GRIN2B: variants seen among roughly 807,000 people sequenced by gnomAD.
GRIN2B encodes glutamate ionotropic receptor NMDA type subunit 2B.
Under a neutral mutation model 114.5 loss-of-function variants are expected in GRIN2B, and 5 were observed. The ratio of observed to expected loss-of-function variants is 0.04; its 90% CI spans 0.02 to 0.09. GRIN2B has a LOEUF of 0.09. Ranked by LOEUF, GRIN2B falls within the 10% of genes least tolerant of loss-of-function variation. The pLI, the probability that GRIN2B is intolerant of heterozygous loss-of-function variation, is 1.00. For missense variants in GRIN2B, 1,108 were observed against 1,943.5 expected, an observed-to-expected ratio of 0.57 and a Z score of 8.08; for synonymous variants, 787 against 745.1, an observed-to-expected ratio of 1.06 and a Z score of -0.92.
intron 10 of GRIN2B, among the ~76,000 whole-genome samples, chr12:13,582,247 T>C (rs962998045): frequency 4.6e-5 from 7 of 152,184 alleles, no homozygotes; most frequent in Non-Finnish European, 2.9e-5. Context: ...GAGGAATAAA[T>C]AATTATTGTT....
intron 2 of GRIN2B, among the ~76,000 whole-genome samples, chr12:13,952,569 T>C (rs1205535271): frequency 6.6e-6 from 1 of 152,180 alleles, no homozygotes; most frequent in Non-Finnish European, 1.5e-5. Context: ...TCCCTATCTG[T>C]ACTTCCCCTC....
chr12:13,859,131 G>T (rs1388556381), intron 3 of GRIN2B, among the ~76,000 whole-genome samples: 2 of 152,182 alleles, frequency 1.3e-5, no homozygotes, highest in Admixed American at 1.3e-4. Context: ...CTTTACAGAA[G>T]GAGATTTTGA....
At chr12:13,879,114 G>A (rs1012196883) in intron 2 of GRIN2B, among the ~76,000 whole-genome samples, 5 of 152,000 alleles carry the variant, frequency 3.3e-5, no homozygotes, top group Admixed American at 6.5e-5. Flanking sequence ...ACAATCATGC[G>A]TGGCTTAATG....
At chr12:13,801,305 CT>C (rs1255797763) in intron 3 of GRIN2B, among the ~76,000 whole-genome samples, 6 of 152,118 alleles carry the variant, frequency 3.9e-5, no homozygotes, top group African/African-American at 1.4e-4. Context: ...TTTGTGACCC[CT>C]ATATAAAAAA....
chr12:13,800,205 G>A (rs192724715), intron 3 of GRIN2B, among the ~76,000 whole-genome samples: 2 of 152,104 alleles, frequency 1.3e-5, no homozygotes, highest in African/African-American at 4.8e-5. Flanking sequence ...CTACAGCTGT[G>A]CTCAATTTTG....
At chr12:13,865,677 A>T in intron 3 of GRIN2B, 121 bp downstream of exon 3, 1 of 854,592 alleles carries the variant, frequency 1.2e-6, no homozygotes, top group Non-Finnish European at 2.0e-6. Context: ...TGGCCTATCC[A>T]CGCTGTCAAT....
chr12:13,690,518 T>A (rs998909522), intron 4 of GRIN2B, among the ~76,000 whole-genome samples: 8 of 152,132 alleles, frequency 5.3e-5, no homozygotes, highest in African/African-American at 1.9e-4. Context: ...AAGAATGAGA[T>A]GAAAGTTTGG....
At chr12:13,860,753 G>C (rs1431511187) in intron 3 of GRIN2B, among the ~76,000 whole-genome samples, 1 of 152,194 alleles carries the variant, frequency 6.6e-6, no homozygotes, top group Non-Finnish European at 1.5e-5. Context: ...GCTACACCCT[G>C]ATCAACATGT....
chr12:13,656,952 T>A (rs1416091238), intron 5 of GRIN2B, among the ~76,000 whole-genome samples: 1 of 152,136 alleles, frequency 6.6e-6, no homozygotes, highest in Non-Finnish European at 1.5e-5. Flanking sequence ...AGCCAAGACA[T>A]GATAATCCAA....
At chr12:13,962,605 C>A (rs1001422531) in intron 2 of GRIN2B, among the ~76,000 whole-genome samples, 15 of 152,160 alleles carry the variant, frequency 9.9e-5, no homozygotes, top group African/African-American at 3.4e-4. Context: ...TGTTTGCCAC[C>A]ATTTACAGGC....
chr12:13,851,622 C>T (rs929117030), intron 3 of GRIN2B, among the ~76,000 whole-genome samples: 8 of 152,178 alleles, frequency 5.3e-5, no homozygotes, highest in African/African-American at 1.9e-4. Context: ...AAAATCTCCC[C>T]TGTTGATTTC....
At chr12:13,627,468 G>A (rs2136493629) in intron 5 of GRIN2B, among the ~76,000 whole-genome samples, 2 of 152,330 alleles carry the variant, frequency 1.3e-5, no homozygotes, top group South Asian at 4.1e-4. Flanking sequence ...CCTGGAGCAT[G>A]GTGAGCCCTG....
intron 10 of GRIN2B, among the ~76,000 whole-genome samples, chr12:13,590,256 T>C (rs1424725238): frequency 6.6e-6 from 1 of 152,166 alleles, no homozygotes; most frequent in Non-Finnish European, 1.5e-5. Flanking sequence ...AGTTCTGGGA[T>C]ACATGTGTAG....
intron 4 of GRIN2B, among the ~76,000 whole-genome samples, chr12:13,725,882 G>C (rs1862976088): frequency 6.6e-6 from 1 of 152,052 alleles, no homozygotes; most frequent in South Asian, 2.1e-4. Context: ...GGGGTTAACT[G>C]CAAAATGAAC....
At chr12:13,635,479 C>T (rs1217391150) in intron 5 of GRIN2B, among the ~76,000 whole-genome samples, 1 of 152,180 alleles carries the variant, frequency 6.6e-6, no homozygotes, top group Non-Finnish European at 1.5e-5. Context: ...GGAAATGCCA[C>T]ACACATCTGG....
chr12:13,727,371 T>A (rs956600135), intron 4 of GRIN2B, among the ~76,000 whole-genome samples: 1 of 152,132 alleles, frequency 6.6e-6, no homozygotes, highest in African/African-American at 2.4e-5. Context: ...GTTCTTGAAT[T>A]GATCTGAAGA....
chr12:13,929,921 C>G (rs1866993266), intron 2 of GRIN2B, among the ~76,000 whole-genome samples: 1 of 152,174 alleles, frequency 6.6e-6, no homozygotes, highest in South Asian at 2.1e-4. Context: ...CGCAGTGGCT[C>G]AAACCTGTAA....
chr12:13,744,628 G>T (rs1031532141), intron 4 of GRIN2B, among the ~76,000 whole-genome samples: 9 of 152,150 alleles, frequency 5.9e-5, no homozygotes. Flanking sequence ...ATGAGGGAAA[G>T]AAAAGGCCTG....
rs200902451 is a variant in GRIN2B at position 13,563,460 on chromosome 12, G to C, written c.3778C>G (p.Leu1260Val). ...GCAGCCGGCTGGTCCAGTTCCTGCA[G>C]GGAGTTGTCCTCACTGATGTCATAC... ...NLYDISEDNS[L>V]QELDQPAAPV... The change falls in exon 14 of 14, where the codon CTG becomes GTG. Residue 1260 changes from leucine to valine, a missense_variant. Physicochemically the swap from Leu to Val is conservative, Grantham distance 32 (BLOSUM62 1). This residue lies in a region of GRIN2B where 478 missense variants were observed against 506.0 expected (regional missense o/e 0.94). Transcript: ENST00000609686. 1 of 1,614,196 alleles carries C rather than the reference G, an allele frequency of 6.2e-7. No homozygotes were observed. The highest frequency in any genetic ancestry group is 8.5e-7 in the Non-Finnish European group (1 of 1,180,032).
Sources: gnomAD v4.1 joint callset for allele counts (sites outside exome capture counted in the v4.1 genomes callset) on GRCh38, gnomAD v4.1.1 for gene constraint, gnomAD v4.1.1 regional missense constraint, MANE v1.5 for transcripts, NCBI Gene and HGNC (gene_info 2026-07-23, HGNC 2026-07-21) for gene names.